The following BCAS4 variants were observed in gnomAD, a reference collection of about 807,000 sequenced individuals.
BCAS4 encodes the protein breast carcinoma amplified sequence 4, also known as breast carcinoma-amplified sequence 4.
BCAS4 carries 9 observed loss-of-function variants against 15.7 expected under a neutral mutation model. The ratio of observed to expected loss-of-function variants is 0.57; its 90% CI spans 0.34 to 1.00. The LOEUF (loss-of-function observed/expected upper bound fraction) is 1.00. Ranked by LOEUF, BCAS4 falls within the 50% of genes least tolerant of loss-of-function variation. BCAS4 has a pLI of 0.02. For synonymous variants in BCAS4, 101 were observed against 99.5 expected (o/e 1.02, Z -0.09); for missense variants, 225 against 239.1 (o/e 0.94, Z 0.39).
chr20:50,854,056 G>A (rs1409272393), intron 4 of BCAS4, among the ~76,000 whole-genome samples: 1 of 152,216 alleles, frequency 6.6e-6, no homozygotes, highest in African/African-American at 2.4e-5. Flanking sequence ...GTGATGGTAC[G>A]TGGGGACTCA....
chr20:50,861,582 G>A (rs1211513140), intron 4 of BCAS4, among the ~76,000 whole-genome samples: 1 of 152,160 alleles, frequency 6.6e-6, no homozygotes, highest in Non-Finnish European at 1.5e-5. Context: ...GGCAGGTGAG[G>A]GGGGTGCAGT....
intron 4 of BCAS4, among the ~76,000 whole-genome samples, chr20:50,875,843 G>T (rs953377752): frequency 1.3e-5 from 2 of 152,028 alleles, no homozygotes; most frequent in Admixed American, 1.3e-4. Context: ...GCTCTGAGAT[G>T]GCCCTGCAGA....
intron 4 of BCAS4, among the ~76,000 whole-genome samples, chr20:50,857,137 T>C (rs1978805567): frequency 6.6e-6 from 1 of 152,230 alleles, no homozygotes; most frequent in Admixed American, 6.5e-5. Context: ...CAGTATTTTC[T>C]TCCTTTTTTT....
chr20:50,827,262 A>C (rs1458645041), intron 2 of BCAS4, among the ~76,000 whole-genome samples: 2 of 152,220 alleles, frequency 1.3e-5, no homozygotes, highest in Non-Finnish European at 2.9e-5. Context: ...GGTGTTTCGT[A>C]GAAGGTCCCT....
intron 4 of BCAS4, among the ~76,000 whole-genome samples, chr20:50,867,983 C>T (rs942999601): frequency 1.4e-4 from 21 of 152,200 alleles, no homozygotes; most frequent in African/African-American, 4.8e-4. Flanking sequence ...CGCCCAGCCT[C>T]AGACTTTCCT....
intron 1 of BCAS4, among the ~76,000 whole-genome samples, chr20:50,813,928 C>A (rs2088104308): frequency 6.6e-6 from 1 of 151,968 alleles, no homozygotes; most frequent in Non-Finnish European, 1.5e-5. Context: ...CTGAGTGGAG[C>A]AGTTTATGCC....
At chr20:50,814,539 C>T (rs1429779240) in intron 1 of BCAS4, among the ~76,000 whole-genome samples, 1 of 152,246 alleles carries the variant, frequency 6.6e-6, no homozygotes, top group Non-Finnish European at 1.5e-5. Context: ...CTGGCCTCAG[C>T]CTCCCAGCGT....
intron 4 of BCAS4, among the ~76,000 whole-genome samples, chr20:50,858,725 AT>A (rs58684022): frequency 0.067 from 7,830 of 117,290 alleles, 270 homozygotes; most frequent in East Asian, 0.18. Context: ...TTTTTCTTGA[AT>A]TTTTTTTTTT....
At chr20:50,828,941 A>G (rs959150485) in intron 2 of BCAS4, among the ~76,000 whole-genome samples, 1 of 152,210 alleles carries the variant, frequency 6.6e-6, no homozygotes, top group Non-Finnish European at 1.5e-5. Flanking sequence ...TCAGTATCCC[A>G]GCGAAAGAAG....
intron 1 of BCAS4, among the ~76,000 whole-genome samples, chr20:50,800,124 G>A (rs2087910164): frequency 6.6e-6 from 1 of 152,200 alleles, no homozygotes; most frequent in East Asian, 1.9e-4. Flanking sequence ...ATGGGCGGAT[G>A]TGAGATAGGG....
chr20:50,798,170 C>A (rs2087889110), intron 1 of BCAS4, among the ~76,000 whole-genome samples: 1 of 151,768 alleles, frequency 6.6e-6, no homozygotes, highest in Non-Finnish European at 1.5e-5. Flanking sequence ...GTGGCATGAG[C>A]CTGTAATCCC....
Position 50,876,625 on chromosome 20 carries a change from A to G in BCAS4, c.*17A>G, listed in dbSNP as rs1979967440. 1.9e-6 allele frequency: 3 copies of G among 1,612,934 alleles called. No individual in the cohort carries two copies. Among genetic ancestry groups the G allele is most frequent in the Non-Finnish European group, 2.5e-6 (3 of 1,179,534 alleles). On this transcript the variant is annotated 3_prime_UTR_variant, in exon 5 of 5. Transcript: ENST00000371608. The stretch of plus-strand genomic sequence containing the variant: ...CCTTTGTGAGCTTTGTGGTCTTCCC[A>G]TCAGGAACGCTGGAAAGTGACATTG...
intron 3 of BCAS4, among the ~76,000 whole-genome samples, chr20:50,830,831 C>T (rs1432411783): frequency 1.5e-4 from 23 of 152,100 alleles, no homozygotes; most frequent in Non-Finnish European, 2.9e-5. Context: ...GCCTGGGCGA[C>T]AGAGCAAGAT....
At chr20:50,874,347 C>G (rs893110105) in intron 4 of BCAS4, among the ~76,000 whole-genome samples, 3 of 152,176 alleles carry the variant, frequency 2.0e-5, no homozygotes, top group Admixed American at 6.5e-5. Flanking sequence ...TACCTCTATA[C>G]CCCTGTTCTC....
chr20:50,799,407 G>T (rs534989681), intron 1 of BCAS4, among the ~76,000 whole-genome samples: 9 of 152,344 alleles, frequency 5.9e-5, no homozygotes, highest in African/African-American at 2.2e-4. Context: ...CGCCAGAGCA[G>T]AGTCACATGC....
At chr20:50,831,638 C>T (rs1048671722) in intron 3 of BCAS4, among the ~76,000 whole-genome samples, 1 of 152,150 alleles carries the variant, frequency 6.6e-6, no homozygotes, top group East Asian at 1.9e-4. Flanking sequence ...ATAAGCTTTG[C>T]AAGGTCAGCC....
At chr20:50,818,134 A>T in intron 1 of BCAS4, 77 bp from the exon 2 acceptor site, 35 of 674,446 alleles carry the variant, frequency 5.2e-5, no homozygotes, top group South Asian at 9.6e-5. Context: ...GTTTGCTTTA[A>T]AAAAAAAAAA....
chr20:50,821,061 A>G (rs2088208749), intron 2 of BCAS4, among the ~76,000 whole-genome samples: 1 of 152,104 alleles, frequency 6.6e-6, no homozygotes, highest in Admixed American at 6.5e-5. Flanking sequence ...GCAAGCGACC[A>G]CCTGCTGTGG....
intron 3 of BCAS4, among the ~76,000 whole-genome samples, chr20:50,836,933 T>C (rs1001754336): frequency 2.6e-5 from 4 of 152,096 alleles, no homozygotes; most frequent in African/African-American, 9.7e-5. Flanking sequence ...TATCTTGAAC[T>C]CCTGGGTCAA....
Sources: allele counts gnomAD v4.1 joint callset (sites outside exome capture counted in the v4.1 genomes callset), GRCh38; gene constraint gnomAD v4.1.1; transcripts MANE v1.5; gene names NCBI Gene and HGNC (gene_info 2026-07-23, HGNC 2026-07-21).